PIAS1: variants seen among roughly 807,000 people sequenced by gnomAD.
PIAS1 encodes E3 SUMO-protein ligase PIAS1.
Under a neutral mutation model 71.3 loss-of-function variants are expected in PIAS1, and 6 were observed. The observed-to-expected ratio is 0.08, with a 90% confidence interval of 0.05 to 0.17. PIAS1 has a LOEUF of 0.17. Among genes scored for constraint, PIAS1 ranks in the 10% least tolerant of loss-of-function variants. The probability of loss-of-function intolerance (pLI) is 1.00; values close to 1 mark genes in which losing one functional copy is unlikely to be tolerated. For synonymous variants in PIAS1, 303 were observed against 292.9 expected (o/e 1.03, Z -0.35); for missense variants, 555 against 793.6 (o/e 0.70, Z 3.61).
At chr15:68,162,034 A>C (rs576025210) in intron 7 of PIAS1, among the ~76,000 whole-genome samples, 1 of 152,118 alleles carries the variant, frequency 6.6e-6, no homozygotes, top group South Asian at 2.1e-4. Context: ...TCTGCCTCCC[A>C]GGCTCAAGTG....
chr15:68,100,495 G>C (rs1320140181), intron 2 of PIAS1, among the ~76,000 whole-genome samples: 1 of 152,106 alleles, frequency 6.6e-6, no homozygotes, highest in Admixed American at 6.5e-5. Flanking sequence ...GGGGCGGGGA[G>C]GGGGGCGCTG....
At chr15:68,064,501 T>C (rs1394025748) in intron 1 of PIAS1, among the ~76,000 whole-genome samples, 1 of 152,192 alleles carries the variant, frequency 6.6e-6, no homozygotes, top group Non-Finnish European at 1.5e-5. Context: ...AAAAGATCCA[T>C]TGGAAATGGA....
chr15:68,080,573 T>C (rs2092220127), intron 1 of PIAS1, among the ~76,000 whole-genome samples: 1 of 152,250 alleles, frequency 6.6e-6, no homozygotes, highest in Admixed American at 6.5e-5. Context: ...TGTTGACAGA[T>C]TGCTAATAGC....
intron 2 of PIAS1, among the ~76,000 whole-genome samples, chr15:68,095,827 G>C (rs1019665477): frequency 2.2e-4 from 34 of 152,230 alleles, no homozygotes; most frequent in African/African-American, 8.2e-4. Flanking sequence ...CACCACGCCT[G>C]GCCCATTCTT....
rs753753010 is a variant in PIAS1, at chr15:68,054,357, C to G, written c.24+7C>G. The G allele has an allele frequency of 6.4e-7, 1 of 1,573,622 alleles. No homozygotes were observed. The highest frequency in any genetic ancestry group is 1.4e-5 in the African/African-American group (1 of 73,808). On this transcript the variant is annotated splice_region_variant and intron_variant, in intron 1 of 13. Transcript: ENST00000249636. This position sits in a 1 kb window ranked among gnomAD's most constrained non-coding sequence, Gnocchi z 4.6. ...GGACAGTGCGGAACTAAAGGTAAAGCGCAGCTCGAATTCACTTCTAATATT... is the reference window on the plus strand; with the variant it reads ...GGACAGTGCGGAACTAAAGGTAAAGGGCAGCTCGAATTCACTTCTAATATT...
rs748758711 is a variant in PIAS1, at chr15:68,145,952, A to G, written c.693+46A>G. 6.7e-6 allele frequency: 7 copies of G among 1,047,106 alleles called. No individual in the cohort carries two copies. In the South Asian group the frequency reaches 7.6e-5, roughly 11 times the overall value. The allele number at this position is 1,047,106 out of a possible 1,614,324, so 64.9% of individuals were successfully genotyped here. A position where few individuals can be genotyped will look rare whatever the true frequency, so the allele number is the denominator to read the frequency against. On this transcript the variant is annotated intron_variant, in intron 5 of 13. Coordinates refer to ENST00000249636, the MANE Select transcript of PIAS1 (RefSeq NM_016166.3). ...TTTAAAATTCATTGCCAACATAACTATCAAATAAGTCATCACAACTGTTGT... is the reference window on the plus strand; with the variant it reads ...TTTAAAATTCATTGCCAACATAACTGTCAAATAAGTCATCACAACTGTTGT...
chr15:68,147,452 A>G (rs994101789), intron 6 of PIAS1, among the ~76,000 whole-genome samples: 4 of 152,144 alleles, frequency 2.6e-5, no homozygotes, highest in African/African-American at 9.7e-5. Context: ...TTCATATAGT[A>G]AAACTTAACT....
intron 7 of PIAS1, among the ~76,000 whole-genome samples, chr15:68,156,747 G>A (rs2092892800): frequency 6.7e-6 from 1 of 150,252 alleles, no homozygotes; most frequent in Non-Finnish European, 1.5e-5. Flanking sequence ...GAGAGAGAGC[G>A]CCAAGAAGGA....
At chr15:68,162,090 TC>T (rs1346091182) in intron 7 of PIAS1, among the ~76,000 whole-genome samples, 3 of 152,010 alleles carry the variant, frequency 2.0e-5, no homozygotes, top group African/African-American at 7.2e-5. Flanking sequence ...TTAAAACAGT[TC>T]TGTGAGGTAC....
intron 1 of PIAS1, among the ~76,000 whole-genome samples, chr15:68,062,412 GT>G (rs2091969803): frequency 6.6e-6 from 1 of 152,274 alleles, no homozygotes; most frequent in African/African-American, 2.4e-5. Flanking sequence ...AAAGTGCACA[GT>G]CAGGTAGTTT....
rs2093115976 is a variant in PIAS1 at position 68,190,802 on chromosome 15, C to CAAAAT, written c.*2967_*2968insAAAAT. ...CCAGAACCATGCCATACTTGGTTGA[C>CAAAAT]TATTTTGAGCATTAAAATTGCTTTA... On this transcript the variant is annotated 3_prime_UTR_variant, in exon 14 of 14. Transcript: ENST00000249636. The surrounding 1 kb of genome is among the most constrained non-coding windows in gnomAD (Gnocchi z 4.7). 6.6e-6 allele frequency: 1 copy of CAAAAT among 151,798 alleles called. No individual in the cohort carries two copies. Among genetic ancestry groups the CAAAAT allele is most frequent in the East Asian group, 1.9e-4 (1 of 5,194 alleles). 9.4% of individuals were successfully genotyped at this position (151,798 alleles called of 1,614,324 possible).
chr15:68,130,259 A>C (rs139146919), intron 2 of PIAS1, among the ~76,000 whole-genome samples: 1 of 152,122 alleles, frequency 6.6e-6, no homozygotes, highest in African/African-American at 2.4e-5. Flanking sequence ...CAAAATATAT[A>C]AGCTTCTTGC....
chr15:68,063,781 A>G (rs2091985913), intron 1 of PIAS1, among the ~76,000 whole-genome samples: 1 of 152,182 alleles, frequency 6.6e-6, no homozygotes, highest in Non-Finnish European at 1.5e-5. Flanking sequence ...TCCTAATAAT[A>G]GGCATTATTT....
At position 68,055,986 on chromosome 15, in the gene PIAS1, C is replaced by T. The variant is rs1056689633; in HGVS notation, c.24+1636C>T. 1.0e-5 allele frequency: 7 copies of T among 687,764 alleles called. No individual in the cohort carries two copies. The African/African-American group carries it at 1.1e-4, about 10-fold the overall frequency. The allele number at this position is 687,764 out of a possible 1,614,324, so 42.6% of individuals were successfully genotyped here. A position where few individuals can be genotyped will look rare whatever the true frequency, so the allele number is the denominator to read the frequency against. Reference sequence around the variant, plus strand: ...ATTTACTGAAGGGAGAGCAGATTTACAATGGATGGTTTTGATTTTTCCCCA... The same window carrying T: ...ATTTACTGAAGGGAGAGCAGATTTATAATGGATGGTTTTGATTTTTCCCCA... On this transcript the variant is annotated intron_variant, in intron 1 of 13. Coordinates refer to ENST00000249636, the MANE Select transcript of PIAS1 (RefSeq NM_016166.3).
rs1246186195 is a variant in PIAS1 at position 68,185,985 on chromosome 15, A to AAAAAAAC, written c.1663-1554_1663-1553insAAACAAA. On this transcript the variant is annotated intron_variant, in intron 13 of 13. Coordinates refer to ENST00000249636, the MANE Select transcript of PIAS1 (RefSeq NM_016166.3). The surrounding 1 kb of genome is among the most constrained non-coding windows in gnomAD (Gnocchi z 4.4). The stretch of plus-strand genomic sequence containing the variant: ...CATCTCAAAAACAAAACAAACAAAA[A>AAAAAAAC]AAACATGGGCCCTAACAATGAAAGG... 6.6e-6 allele frequency among the ~76,000 whole-genome samples: 1 copy of AAAAAAAC among 152,154 alleles called. No individual in the cohort carries two copies. The highest frequency in any genetic ancestry group is 2.4e-5 in the African/African-American group (1 of 41,436).
chr15:68,138,462 CTTTATTTA>C (rs575522469), intron 2 of PIAS1, among the ~76,000 whole-genome samples: 3 of 152,088 alleles, frequency 2.0e-5, no homozygotes, highest in Non-Finnish European at 4.4e-5. Context: ...AGTTCTGTCA[CTTTATTTA>C]TTTATTTATG....
rs925539784 is a variant in PIAS1 at position 68,117,778 on chromosome 15, T to G, written c.470-24168T>G. Among the ~76,000 whole-genome samples the G allele has an allele frequency of 2.0e-5, 3 of 152,240 alleles. No individual in the cohort carries two copies. The South Asian group carries it at 6.2e-4, about 31-fold the overall frequency. Reference sequence around the variant, plus strand: ...TCTCTCTGTGGACATTTAGGTTGATTTCATATCTTGCGATTGTGAGTAGTG... The same window carrying G: ...TCTCTCTGTGGACATTTAGGTTGATGTCATATCTTGCGATTGTGAGTAGTG... On this transcript the variant is annotated intron_variant, in intron 2 of 13. Coordinates refer to ENST00000249636, the MANE Select transcript of PIAS1 (RefSeq NM_016166.3).
intron 2 of PIAS1, among the ~76,000 whole-genome samples, chr15:68,131,930 T>TG (rs2092690339): frequency 6.7e-6 from 1 of 149,966 alleles, no homozygotes; most frequent in Admixed American, 6.7e-5. Flanking sequence ...AGGCTGGGCG[T>TG]GGTGGCTCAT....
chr15:68,176,739 T>C (rs1341217694), intron 11 of PIAS1, 85 bp downstream of exon 11: 3 of 946,424 alleles, frequency 3.2e-6, no homozygotes, highest in Non-Finnish European at 4.6e-6. Context: ...AATAAAATGA[T>C]TCTTGATTGT....
Sources: gnomAD v4.1 joint callset for allele counts (sites outside exome capture counted in the v4.1 genomes callset) on GRCh38, gnomAD v4.1.1 for gene constraint, Gnocchi (gnomAD v3.1) non-coding constraint, MANE v1.5 for transcripts, NCBI Gene and HGNC (gene_info 2026-07-23, HGNC 2026-07-21) for gene names.